FAM120B: variants seen among roughly 807,000 people sequenced by gnomAD.
The protein encoded by FAM120B is family with sequence similarity 120 member B.
In FAM120B, 83 loss-of-function variants were observed where a neutral mutation model predicts 96.3. The observed-to-expected ratio is 0.86, with a 90% CI of 0.72 to 1.03. FAM120B has a LOEUF of 1.03. FAM120B is among the 50% of genes least tolerant of loss of function. The pLI is 0.00. For missense variants in FAM120B, 1,027 were observed against 1,121.2 expected (o/e 0.92, Z 1.20); for synonymous variants, 407 against 402.7 (o/e 1.01, Z -0.13).
At chr6:170,362,698 T>C (rs1788537487) in intron 6 of FAM120B, among the ~76,000 whole-genome samples, 1 of 151,574 alleles carries the variant, frequency 6.6e-6, no homozygotes, top group African/African-American at 2.4e-5. Context: ...TTTTTTTTTT[T>C]TGAGACAAGG....
At chr6:170,376,154 G>C (rs897172018) in intron 6 of FAM120B, among the ~76,000 whole-genome samples, 1 of 152,114 alleles carries the variant, frequency 6.6e-6, no homozygotes, top group African/African-American at 2.4e-5. Flanking sequence ...ACAAGGAGGA[G>C]GCCCTAGTGT....
In FAM120B at chr6:170,363,807, C is replaced by T. The variant is rs1303936424; in HGVS notation, c.2283+5489C>T. Among the ~76,000 whole-genome samples, 2 of 152,158 alleles carry T rather than the reference C, an allele frequency of 1.3e-5. No individual in the cohort carries two copies. Among genetic ancestry groups the T allele is most frequent in the Admixed American group, 6.5e-5 (1 of 15,270 alleles). On this transcript the variant is annotated intron_variant, in intron 6 of 10. Coordinates refer to ENST00000476287, the MANE Select transcript of FAM120B (RefSeq NM_032448.3). The surrounding 1 kb of genome is among the most constrained non-coding windows in gnomAD (Gnocchi z 4.5). ...TTAGACAGAGTCTCACCCTGTCACC[C>T]AGGCTAGAGTGCAGTGGCGCGAACT...
Position 170,320,656 on chromosome 6 carries a change from C to G in FAM120B, c.1734+1532C>G, listed in dbSNP as rs186918730. ...TATTTTAATTGAGTAGATGGCACCT[C>G]TAACACATGTTCTCGTAGTGAAATA... On this transcript the variant is annotated intron_variant, in intron 2 of 10. Coordinates refer to ENST00000476287, the MANE Select transcript of FAM120B (RefSeq NM_032448.3). 2.6e-3 allele frequency among the ~76,000 whole-genome samples: 398 copies of G among 152,068 alleles called. 4 individuals carry two copies. Among genetic ancestry groups the G allele is most frequent in the Admixed American group, 0.021 (316 of 15,214 alleles).
intron 4 of FAM120B, among the ~76,000 whole-genome samples, chr6:170,336,438 C>G (rs1429761245): frequency 6.6e-6 from 1 of 152,084 alleles, no homozygotes; most frequent in Non-Finnish European, 1.5e-5. Context: ...GTTACTGTAG[C>G]CTTGTAGTAT....
intron 9 of FAM120B, among the ~76,000 whole-genome samples, chr6:170,397,927 G>A (rs1005669040): frequency 4.6e-5 from 7 of 152,226 alleles, no homozygotes; most frequent in Non-Finnish European, 1.5e-5. Context: ...GTGCTGTCAT[G>A]TCCCCTACTC....
In FAM120B at chr6:170,335,604, G is replaced by T. The variant is rs193091681; in HGVS notation, c.2017+5054G>T. On this transcript the variant is annotated intron_variant, in intron 4 of 10. Coordinates refer to ENST00000476287, the MANE Select transcript of FAM120B (RefSeq NM_032448.3). ...ATTGCTGGGTCAGATGGTATTTCTG[G>T]TTCTAGACCCTTGAGGAATTGCTAC... Among the ~76,000 whole-genome samples the T allele has an allele frequency of 7.2e-4, 109 of 152,246 alleles. 3 individuals are homozygous for T. In the East Asian group the frequency reaches 0.02, roughly 28 times the overall value.
chr6:170,322,501 A>G (rs1402884529), intron 2 of FAM120B, among the ~76,000 whole-genome samples: 2 of 152,216 alleles, frequency 1.3e-5, no homozygotes, highest in Non-Finnish European at 2.9e-5. Flanking sequence ...AAGTAAAGGT[A>G]GAAGAGGATT....
At chr6:170,355,672 G>A (rs1787870167) in intron 5 of FAM120B, among the ~76,000 whole-genome samples, 1 of 152,032 alleles carries the variant, frequency 6.6e-6, no homozygotes, top group Non-Finnish European at 1.5e-5. Context: ...CATGGCACGT[G>A]TTTACCTATG....
intron 7 of FAM120B, among the ~76,000 whole-genome samples, chr6:170,390,628 T>C (rs1281842264): frequency 6.6e-6 from 1 of 152,240 alleles, no homozygotes; most frequent in Non-Finnish European, 1.5e-5. Context: ...TTCTGCTGAA[T>C]GTTCTTATAA....
chr6:170,290,761 A>G, upstream of FAM120B: 1 of 481,724 alleles, frequency 2.1e-6, no homozygotes, highest in Non-Finnish European at 3.7e-6. The surrounding 1 kb of genome is among the most constrained non-coding windows in gnomAD (Gnocchi z 4.7). Context: ...CCGGTGTCAC[A>G]GCAAAGATCC....
At chr6:170,380,868 T>C (rs1361673721) in intron 6 of FAM120B, among the ~76,000 whole-genome samples, 1 of 152,228 alleles carries the variant, frequency 6.6e-6, no homozygotes, top group Non-Finnish European at 1.5e-5. Flanking sequence ...GTCCCACTTG[T>C]TTATTTTTGC....
intron 7 of FAM120B, among the ~76,000 whole-genome samples, chr6:170,389,930 G>A (rs1418140668): frequency 6.6e-6 from 1 of 152,138 alleles, no homozygotes; most frequent in Non-Finnish European, 1.5e-5. Context: ...AGACTAATCT[G>A]ATAGGTGTAG....
At chr6:170,336,959 T>C (rs958363961) in intron 4 of FAM120B, among the ~76,000 whole-genome samples, 2 of 152,230 alleles carry the variant, frequency 1.3e-5, no homozygotes, top group Non-Finnish European at 2.9e-5. Flanking sequence ...TTTCTAAATA[T>C]ACAATCACGT....
chr6:170,395,446 A>G (rs376756029), intron 8 of FAM120B, 41 bp from the exon 9 acceptor site: 7 of 1,493,786 alleles, frequency 4.7e-6, no homozygotes, highest in African/African-American at 1.4e-5. Flanking sequence ...GGGTTAAGAC[A>G]TTTGACAACT....
chr6:170,355,305 T>C (rs1009037625), intron 5 of FAM120B, among the ~76,000 whole-genome samples: 1 of 152,134 alleles, frequency 6.6e-6, no homozygotes, highest in East Asian at 1.9e-4. Flanking sequence ...AGCAAAGACA[T>C]TGAATCAACC....
intron 9 of FAM120B, among the ~76,000 whole-genome samples, chr6:170,398,319 G>A (rs551737545): frequency 6.6e-6 from 1 of 152,152 alleles, no homozygotes; most frequent in African/African-American, 2.4e-5. Context: ...AGTCAATAAG[G>A]AAGGTAGAAC....
upstream of FAM120B, among the ~76,000 whole-genome samples, chr6:170,293,141 T>C (rs1783922848): frequency 6.6e-6 from 1 of 152,086 alleles, no homozygotes; most frequent in Non-Finnish European, 1.5e-5. Context: ...AGCATTCTGC[T>C]TCCCTAAGGC....
At chr6:170,401,090 C>G (rs1053911585) in intron 9 of FAM120B, among the ~76,000 whole-genome samples, 1 of 152,238 alleles carries the variant, frequency 6.6e-6, no homozygotes, top group African/African-American at 2.4e-5. Context: ...AGCATAATGA[C>G]TTTCCATAGG....
chr6:170,340,509 T>C (rs1221190247), intron 4 of FAM120B, among the ~76,000 whole-genome samples: 3 of 152,230 alleles, frequency 2.0e-5, no homozygotes, highest in Admixed American at 1.3e-4. Context: ...ATGAAACTCA[T>C]TCTCTCTGTC....
Sources: gnomAD v4.1 joint callset for allele counts (sites outside exome capture counted in the v4.1 genomes callset) on GRCh38, gnomAD v4.1.1 for gene constraint, Gnocchi (gnomAD v3.1) non-coding constraint, MANE v1.5 for transcripts, NCBI Gene and HGNC (gene_info 2026-07-23, HGNC 2026-07-21) for gene names.